Variants in NDUFV3 observed in about 807,000 individuals in gnomAD.
NDUFV3 encodes the protein NADH dehydrogenase [ubiquinone] flavoprotein 3, mitochondrial.
A neutral mutation model predicts 37.5 loss-of-function variants in NDUFV3; 44 were observed. That is an observed-to-expected ratio of 1.17 (90% confidence interval 0.92 to 1.51). The LOEUF (loss-of-function observed/expected upper bound fraction) is 1.51, where lower values mean the gene tolerates loss of function less well. NDUFV3 is among the 40% of genes most tolerant of loss of function. The pLI, the probability that NDUFV3 is intolerant of heterozygous loss-of-function variation, is 0.00. For missense variants in NDUFV3, 580 were observed against 580.4 expected, an observed-to-expected ratio of 1.00 and a Z score of 0.01; for synonymous variants, 235 against 239.3, an observed-to-expected ratio of 0.98 and a Z score of 0.17.
At chr21:42,894,960 A>C (rs1042216553) in intron 1 of NDUFV3, among the ~76,000 whole-genome samples, 2 of 152,158 alleles carry the variant, frequency 1.3e-5, no homozygotes, top group Non-Finnish European at 2.9e-5. Flanking sequence ...TATCACATTT[A>C]TATTGTAGAC....
At chr21:42,904,737 C>T (rs1393873075) in intron 3 of NDUFV3, among the ~76,000 whole-genome samples, 1 of 151,762 alleles carries the variant, frequency 6.6e-6, no homozygotes, top group East Asian at 1.9e-4. Context: ...TCACCCGCCT[C>T]GGCCTCCCAA....
Position 42,913,241 on chromosome 21 carries a change from C to A in NDUFV3, c.*4220C>A, listed in dbSNP as rs1424701419. 6.6e-6 allele frequency: 1 copy of A among 151,962 alleles called. No individual in the cohort carries two copies. The highest frequency in any genetic ancestry group is 2.4e-5 in the African/African-American group (1 of 41,372). 9.4% of individuals were successfully genotyped at this position (151,962 alleles called of 1,614,324 possible). A position where few individuals can be genotyped will look rare whatever the true frequency, so the allele number is the denominator to read the frequency against. On this transcript the variant is annotated 3_prime_UTR_variant, in exon 4 of 4. Transcript: ENST00000354250. The stretch of plus-strand genomic sequence containing the variant: ...ATTCACAACTGCTAAAACAGTGTTC[C>A]TTCTAGTGTAATTTTCACCCTTAGA...
Position 42,909,077 on chromosome 21 carries a change from A to G in NDUFV3, c.*56A>G. On this transcript the variant is annotated 3_prime_UTR_variant, in exon 4 of 4. Coordinates refer to ENST00000354250, the MANE Select transcript of NDUFV3 (RefSeq NM_021075.4). ...CGTCTTCACTGCATCCTGGAGTGCA[A>G]AAATAAAATCCACTCAAGAGTCACA... 8 of 1,576,660 alleles carry G rather than the reference A, an allele frequency of 5.1e-6. No homozygotes were observed. The highest frequency in any genetic ancestry group is 5.2e-6 in the Non-Finnish European group (6 of 1,152,088).
In NDUFV3 at chr21:42,911,254, T is replaced by G. The variant is rs940127966; in HGVS notation, c.*2233T>G. 7 of 152,070 alleles carry G rather than the reference T, an allele frequency of 4.6e-5. No individual in the cohort carries two copies. The highest frequency in any genetic ancestry group is 1.7e-4 in the African/African-American group (7 of 41,414). 9.4% of individuals were successfully genotyped at this position (152,070 alleles called of 1,614,324 possible). A position where few individuals can be genotyped will look rare whatever the true frequency, so the allele number is the denominator to read the frequency against. ...GAGACTGCATCTCAAAAAAAAATTT[T>G]TTTTTTTAAATATCAAAATTGAAAA... On this transcript the variant is annotated 3_prime_UTR_variant, in exon 4 of 4. Transcript: ENST00000354250.
intron 3 of NDUFV3, among the ~76,000 whole-genome samples, chr21:42,904,732 C>T (rs113361571): frequency 0.056 from 8,516 of 151,614 alleles, 352 homozygotes; most frequent in Non-Finnish European, 0.088. Context: ...GCAATTCACC[C>T]GCCTCGGCCT....
At position 42,903,198 on chromosome 21, in the gene NDUFV3, G is replaced by T. The variant is rs1288724128; in HGVS notation, c.186G>T (p.Lys62Asn). ...QSPPKNVVEP[K>N]ERGKLLATQT... ...GTTTCCCAGATGTAGTGGAACCAAA[G>T]GAGAGGGGCAAGCTCCTAGCCACCC... is the stretch of plus-strand genomic sequence containing the variant. The change falls in exon 3 of 4, where the codon AAG becomes AAT. Residue 62 changes from lysine (K) to asparagine (N), a missense_variant. By Grantham distance (94) the Lys-to-Asn change is moderately conservative (BLOSUM62 0). Transcript: ENST00000354250. The T allele has an allele frequency of 6.2e-7, 1 of 1,614,184 alleles. No homozygotes were observed. The highest frequency in any genetic ancestry group is 1.7e-5 in the Admixed American group (1 of 60,012).
chr21:42,893,390 G>A lies in NDUFV3; in HGVS notation c.48+9G>A. On this transcript the variant is annotated intron_variant, in intron 1 of 3. Coordinates refer to ENST00000354250, the MANE Select transcript of NDUFV3 (RefSeq NM_021075.4). ...GAGCCGGGGCGCTGAAGGTAAAGGA[G>A]GAGCCAGCCTGGGCTGGCTGCGCGG... 1 of 1,536,730 alleles carries A rather than the reference G, an allele frequency of 6.5e-7. No individual in the cohort carries two copies. Among genetic ancestry groups the A allele is most frequent in the Non-Finnish European group, 8.7e-7 (1 of 1,146,364 alleles).
chr21:42,906,222 G>A (rs192368441), intron 3 of NDUFV3, among the ~76,000 whole-genome samples: 10 of 152,270 alleles, frequency 6.6e-5, no homozygotes, highest in Admixed American at 5.2e-4. Context: ...TAGGTGGGTC[G>A]TGGCAAACAT....
chr21:42,909,031 G>A lies in NDUFV3; in HGVS notation c.*10G>A, dbSNP rs368453726. On this transcript the variant is annotated 3_prime_UTR_variant, in exon 4 of 4. Coordinates refer to ENST00000354250, the MANE Select transcript of NDUFV3 (RefSeq NM_021075.4). ...GTCACCTCGACACTGAGGGCCCTCG[G>A]TGTGAAGATGAACCTTCCACCGTCT... The A allele has an allele frequency of 1.2e-6, 2 of 1,612,818 alleles. No individual in the cohort carries two copies. The highest frequency in any genetic ancestry group is 1.3e-5 in the African/African-American group (1 of 74,866).
rs999646383 is a variant in NDUFV3 at position 42,911,246 on chromosome 21, A to C, written c.*2225A>C. 4 of 152,136 alleles carry C rather than the reference A, an allele frequency of 2.6e-5. No individual in the cohort carries two copies. The highest frequency in any genetic ancestry group is 2.9e-5 in the Non-Finnish European group (2 of 68,028). The allele number at this position is 152,136 out of a possible 1,614,324, so 9.4% of individuals were successfully genotyped here. On this transcript the variant is annotated 3_prime_UTR_variant, in exon 4 of 4. Transcript: ENST00000354250. The stretch of plus-strand genomic sequence containing the variant: ...GACAGCGTGAGACTGCATCTCAAAA[A>C]AAAATTTTTTTTTTTAAATATCAAA...
At chr21:42,901,999 G>A (rs1013549267) in intron 2 of NDUFV3, among the ~76,000 whole-genome samples, 8 of 152,164 alleles carry the variant, frequency 5.3e-5, no homozygotes, top group Non-Finnish European at 8.8e-5. Context: ...ACCTGAGGTC[G>A]GGAGTTCGAG....
rs765509768 is a variant in NDUFV3, at chr21:42,903,523, T to TA, written c.511_512insA (p.Ser171TyrfsTer25). 1 of 1,614,026 alleles carries TA rather than the reference T, an allele frequency of 6.2e-7. No individual in the cohort carries two copies. The highest frequency in any genetic ancestry group is 2.2e-5 in the East Asian group (1 of 44,902). On this transcript the variant is annotated frameshift_variant, in exon 3 of 4. Coordinates refer to ENST00000354250, the MANE Select transcript of NDUFV3 (RefSeq NM_021075.4). LOFTEE classifies it high-confidence loss of function. ...TGAATCTGATGATGAGGCTGACGTT[T>TA]CAGAGGTCACTCCTCGAGTGGTGAG...
In NDUFV3 at chr21:42,903,339, T is replaced by C. The variant is rs1404934228; in HGVS notation, c.327T>C (p.Asp109=). 2 of 1,614,094 alleles carry C rather than the reference T, an allele frequency of 1.2e-6. No individual in the cohort carries two copies. The highest frequency in any genetic ancestry group is 1.7e-6 in the Non-Finnish European group (2 of 1,180,042). Residue 109 remains aspartate, a synonymous_variant, in exon 3 of 4, where the codon GAT becomes GAC. Coordinates refer to ENST00000354250, the MANE Select transcript of NDUFV3 (RefSeq NM_021075.4). Reference sequence around the variant, plus strand: ...CCAGTGGCAGCGTGCTATTCACAGATGAAGGGGTTCCGAAATTTTTGTCAA... The same window carrying C: ...CCAGTGGCAGCGTGCTATTCACAGACGAAGGGGTTCCGAAATTTTTGTCAA... ...PSPSGSVLFT[D]EGVPKFLSRK...
At chr21:42,908,291 G>C (rs1466786028) in intron 3 of NDUFV3, among the ~76,000 whole-genome samples, 1 of 151,568 alleles carries the variant, frequency 6.6e-6, no homozygotes, top group Non-Finnish European at 1.5e-5. Flanking sequence ...CTAGACAACA[G>C]AGTGAGACTC....
Position 42,893,370 on chromosome 21 carries a change from G to T in NDUFV3, c.37G>T (p.Gly13Trp). 6.5e-7 allele frequency: 1 copy of T among 1,537,922 alleles called. No homozygotes were observed. The highest frequency in any genetic ancestry group is 8.7e-7 in the Non-Finnish European group (1 of 1,146,412). Residue 13 changes from glycine to tryptophan, a missense_variant, in exon 1 of 4, where the codon GGG (glycine) becomes TGG (tryptophan). By Grantham distance (184) the Gly-to-Trp change is radical. Transcript: ENST00000354250. ...GTGTTTGCTGCGGCAAGGACGAGCC[G>T]GGGCGCTGAAGGTAAAGGAGGAGCC... Reference protein sequence around the residue: ...APCLLRQGRAGALKTMLQEAQ... With the variant: ...APCLLRQGRAWALKTMLQEAQ...
rs1170916418 is a variant in NDUFV3 at position 42,909,822 on chromosome 21, TA to T, written c.*802del. Reference sequence around the variant, plus strand: ...ACTTAGCCTCTTGAGTAGCTGGTACTACAGGCTCACGCCACCATGCCTGGCT... The same window carrying T: ...ACTTAGCCTCTTGAGTAGCTGGTACTCAGGCTCACGCCACCATGCCTGGCT... On this transcript the variant is annotated 3_prime_UTR_variant, in exon 4 of 4. Coordinates refer to ENST00000354250, the MANE Select transcript of NDUFV3 (RefSeq NM_021075.4). The T allele has an allele frequency of 6.6e-6, 1 of 152,230 alleles. No homozygotes were observed. The highest frequency in any genetic ancestry group is 6.5e-5 in the Admixed American group (1 of 15,282). The allele number at this position is 152,230 out of a possible 1,614,324, so 9.4% of individuals were successfully genotyped here.
At chr21:42,908,764 G>A in intron 3 of NDUFV3, 100 bp from the exon 4 acceptor site, 1 of 1,398,452 alleles carries the variant, frequency 7.2e-7, no homozygotes, top group Non-Finnish European at 1.0e-6. Context: ...AGATAGGGAT[G>A]ATGAAGAATG....
At chr21:42,893,444 G>A in intron 1 of NDUFV3, 63 bp downstream of exon 1, 1 of 1,521,992 alleles carries the variant, frequency 6.6e-7, no homozygotes, top group African/African-American at 1.4e-5. Flanking sequence ...GATGGGGTGA[G>A]GGGGCGCGGT....
intron 3 of NDUFV3, among the ~76,000 whole-genome samples, chr21:42,905,041 G>A (rs527688655): frequency 6.6e-6 from 1 of 152,144 alleles, no homozygotes; most frequent in South Asian, 2.1e-4. Flanking sequence ...AGCCTGCCTC[G>A]GCCTCCCAAA....
Sources: allele counts gnomAD v4.1 joint callset (sites outside exome capture counted in the v4.1 genomes callset), GRCh38; gene constraint gnomAD v4.1.1; transcripts MANE v1.5; gene names NCBI Gene and HGNC (gene_info 2026-07-23, HGNC 2026-07-21).